Variants in ADAMTSL1 observed in about 807,000 individuals in gnomAD.
ADAMTSL1 encodes the protein ADAMTS like 1, also known as ADAMTS-like protein 1.
A neutral mutation model predicts 201.8 loss-of-function variants in ADAMTSL1; 126 were observed. That is an observed-to-expected ratio of 0.62 (90% CI 0.54 to 0.72). The LOEUF (loss-of-function observed/expected upper bound fraction) is 0.72. ADAMTSL1 is among the 30% of genes least tolerant of loss of function. The probability of loss-of-function intolerance (pLI) is 0.00; values close to 1 mark genes in which losing one functional copy is unlikely to be tolerated. For missense variants in ADAMTSL1, 2,679 were observed against 2,277.8 expected (o/e 1.18, Z -3.59); for synonymous variants, 1,121 against 903.4 (o/e 1.24, Z -4.32).
At chr9:18,099,355 A>ATATATATATATATATATATAT (rs1239180390) in intron 1 of ADAMTSL1, among the ~76,000 whole-genome samples, 22 of 45,542 alleles carry the variant, frequency 4.8e-4, no homozygotes, top group Non-Finnish European at 7.7e-4. Flanking sequence ...ATATATATAT[A>ATATATATATATATATATATAT]TTTTTTTTTT....
chr9:18,551,474 T>A (rs955097052), intron 3 of ADAMTSL1, among the ~76,000 whole-genome samples: 12 of 151,798 alleles, frequency 7.9e-5, no homozygotes, highest in Non-Finnish European at 1.3e-4. Context: ...ATTCCTTTCA[T>A]GTTTAGTAAA....
chr9:18,469,537 A>T (rs147661564), upstream of ADAMTSL1, among the ~76,000 whole-genome samples: 4 of 152,390 alleles, frequency 2.6e-5, no homozygotes, highest in East Asian at 7.7e-4. Context: ...GCTGCTTTAC[A>T]GAAACACATC....
At chr9:18,442,377 G>A (rs796543443) in intron 2 of ADAMTSL1, among the ~76,000 whole-genome samples, 7 of 152,298 alleles carry the variant, frequency 4.6e-5, no homozygotes, top group African/African-American at 1.7e-4. Context: ...ATTTTGCCAG[G>A]TGTTTATTAA....
At chr9:18,353,712 C>T (rs889536878) in intron 2 of ADAMTSL1, among the ~76,000 whole-genome samples, 1 of 152,128 alleles carries the variant, frequency 6.6e-6, no homozygotes, top group Non-Finnish European at 1.5e-5. Context: ...AATGGAAAGT[C>T]ATAGTCATAT....
At chr9:18,831,946 T>C (rs1385112552) in intron 23 of ADAMTSL1, among the ~76,000 whole-genome samples, 1 of 152,108 alleles carries the variant, frequency 6.6e-6, no homozygotes, top group Non-Finnish European at 1.5e-5. Context: ...ATGGGTGGGA[T>C]TCAAATAGGC....
At chr9:18,535,175 C>T (rs935604704) in intron 3 of ADAMTSL1, among the ~76,000 whole-genome samples, 14 of 152,176 alleles carry the variant, frequency 9.2e-5, no homozygotes, top group Non-Finnish European at 1.9e-4. Flanking sequence ...ATTTCTTCTG[C>T]CAGATACCCT....
intron 15 of ADAMTSL1, among the ~76,000 whole-genome samples, chr9:18,727,783 A>T (rs1165671127): frequency 6.6e-6 from 1 of 152,202 alleles, no homozygotes; most frequent in African/African-American, 2.4e-5. Context: ...ATGAGCTTTG[A>T]TGATATCACT....
intron 2 of ADAMTSL1, among the ~76,000 whole-genome samples, chr9:18,263,357 C>A (rs1189345592): frequency 6.6e-6 from 1 of 152,114 alleles, no homozygotes; most frequent in Non-Finnish European, 1.5e-5. Context: ...CTGATCTTTT[C>A]TTTACCTTTC....
At chr9:18,642,054 A>T (rs16936935) in intron 7 of ADAMTSL1, among the ~76,000 whole-genome samples, 37,460 of 151,864 alleles carry the variant, frequency 0.25, 4,781 homozygotes, top group Non-Finnish European at 0.28. Flanking sequence ...AGATGGGGTC[A>T]TTACCCTGGT....
chr9:18,493,126 T>G (rs1264428804), intron 1 of ADAMTSL1, among the ~76,000 whole-genome samples: 1 of 152,194 alleles, frequency 6.6e-6, no homozygotes, highest in African/African-American at 2.4e-5. Context: ...TATTTTAACA[T>G]GAGAGCTCTA....
intron 9 of ADAMTSL1, among the ~76,000 whole-genome samples, chr9:18,671,549 G>T (rs1425876001): frequency 6.6e-6 from 1 of 152,156 alleles, no homozygotes; most frequent in African/African-American, 2.4e-5. Context: ...ACTGAATGGT[G>T]GTCGTGATAA....
intron 19 of ADAMTSL1, among the ~76,000 whole-genome samples, chr9:18,784,236 A>C (rs1253813390): frequency 6.6e-6 from 1 of 152,104 alleles, no homozygotes; most frequent in Non-Finnish European, 1.5e-5. Context: ...CCTATGCATA[A>C]TACTCTCTCG....
chr9:18,537,715 A>G (rs1474386886), intron 3 of ADAMTSL1, among the ~76,000 whole-genome samples: 1 of 151,878 alleles, frequency 6.6e-6, no homozygotes, highest in Non-Finnish European at 1.5e-5. Context: ...GTTTCTACAA[A>G]ACAAAAACCA....
rs1009976412 is a variant in ADAMTSL1, at chr9:18,120,428, T to A, written c.88-43434T>A. On this transcript the variant is annotated intron_variant, in intron 1 of 29. Transcript: ENST00000680146. ...CAATACAAGAGGGGAATGGAGGAGG[T>A]GTCAGGACTAGAGGTAGGAATTGTT... Among the ~76,000 whole-genome samples, 10 of 152,130 alleles carry A rather than the reference T, an allele frequency of 6.6e-5. No homozygotes were observed. The East Asian group carries it at 1.9e-3, about 29-fold the overall frequency.
intron 1 of ADAMTSL1, among the ~76,000 whole-genome samples, chr9:18,151,639 C>A (rs1384566022): frequency 5.3e-5 from 8 of 151,938 alleles, no homozygotes; most frequent in African/African-American, 1.9e-4. Context: ...CTTGGCCTTG[C>A]AGCATGATCA....
intron 1 of ADAMTSL1, among the ~76,000 whole-genome samples, chr9:17,938,105 T>A (rs1184565598): frequency 6.6e-6 from 1 of 152,144 alleles, no homozygotes; most frequent in Non-Finnish European, 1.5e-5. Flanking sequence ...TTTGTTAAAG[T>A]CCAAATGTTT....
At chr9:18,790,045 G>T (rs1821931938) in intron 19 of ADAMTSL1, among the ~76,000 whole-genome samples, 1 of 152,084 alleles carries the variant, frequency 6.6e-6, no homozygotes, top group African/African-American at 2.4e-5. Context: ...TGAATATTTT[G>T]TCTGACAACT....
At chr9:18,630,284 ATAAGATACTATTCTCAGC>A (rs1250587117) in intron 5 of ADAMTSL1, among the ~76,000 whole-genome samples, 1 of 152,128 alleles carries the variant, frequency 6.6e-6, no homozygotes, top group Non-Finnish European at 1.5e-5. Flanking sequence ...GGCTGATGGG[ATAAGATACTATTCTCAGC>A]CCTGTATGAG....
rs114111722 is a variant in ADAMTSL1, at chr9:18,493,885, G to A, written c.64-10944G>A. 3.8e-3 allele frequency among the ~76,000 whole-genome samples: 580 copies of A among 152,288 alleles called. 5 individuals carry two copies. Among genetic ancestry groups the A allele is most frequent in the African/African-American group, 0.011 (461 of 41,560 alleles). The stretch of plus-strand genomic sequence containing the variant: ...CATTTAATGAATATTCACTGAGACC[G>A]ATTACGTATCTGGTGTTCTACAAGG... On this transcript the variant is annotated intron_variant, in intron 1 of 28. Coordinates refer to ENST00000380548, the MANE Select transcript of ADAMTSL1 (RefSeq NM_001040272.6).
Sources: allele counts gnomAD v4.1 joint callset (sites outside exome capture counted in the v4.1 genomes callset), GRCh38; gene constraint gnomAD v4.1.1; transcripts MANE v1.5; gene names NCBI Gene and HGNC (gene_info 2026-07-23, HGNC 2026-07-21).